AGAP1: variants seen among roughly 807,000 people sequenced by gnomAD.
AGAP1 encodes arf-GAP with GTPase, ANK repeat and PH domain-containing protein 1.
AGAP1 carries 29 observed loss-of-function variants against 105.3 expected under a neutral mutation model. The ratio of observed to expected loss-of-function variants is 0.28; its 90% CI spans 0.21 to 0.38. The LOEUF (loss-of-function observed/expected upper bound fraction) is 0.38, where lower values mean the gene tolerates loss of function less well. Among genes scored for constraint, AGAP1 ranks in the 10% least tolerant of loss-of-function variants. The pLI, the probability that AGAP1 is intolerant of heterozygous loss-of-function variation, is 1.00. For synonymous variants in AGAP1, 509 were observed against 485.9 expected (o/e 1.05, Z -0.63); for missense variants, 998 against 1,165.1 (o/e 0.86, Z 2.09).
rs927826811 is a variant in AGAP1 at position 235,614,708 on chromosome 2, A to T, written c.164-94471A>T. ...GGCAGGGCCCTTTTTCCACACGCTT[A>T]GGGAAGATACGAGACTGGCTAACTC... On this transcript the variant is annotated intron_variant, in intron 1 of 17. Coordinates refer to ENST00000304032, the MANE Select transcript of AGAP1 (RefSeq NM_001037131.3). This position sits in a 1 kb window ranked among gnomAD's most constrained non-coding sequence, Gnocchi z 4.7. Among the ~76,000 whole-genome samples, 1 of 152,160 alleles carries T rather than the reference A, an allele frequency of 6.6e-6. No individual in the cohort carries two copies. Among genetic ancestry groups the T allele is most frequent in the African/African-American group, 2.4e-5 (1 of 41,440 alleles).
rs1350072240 is a variant in AGAP1 at position 235,874,148 on chromosome 2, C to T, written c.1051-9197C>T. 6.6e-6 allele frequency among the ~76,000 whole-genome samples: 1 copy of T among 152,168 alleles called. No homozygotes were observed. Among genetic ancestry groups the T allele is most frequent in the Non-Finnish European group, 1.5e-5 (1 of 68,022 alleles). On this transcript the variant is annotated intron_variant, in intron 9 of 17. Transcript: ENST00000304032. The surrounding 1 kb of genome is among the most constrained non-coding windows in gnomAD (Gnocchi z 4.5). Reference sequence around the variant, plus strand: ...TCTCAGCTCACTGCAACCTCTCCCTCCAACCAATTGCCCTACCTCAGCCTC... The same window carrying T: ...TCTCAGCTCACTGCAACCTCTCCCTTCAACCAATTGCCCTACCTCAGCCTC...
intron 3 of AGAP1, among the ~76,000 whole-genome samples, chr2:235,730,173 GT>G (rs1048699987): frequency 1.3e-5 from 2 of 152,100 alleles, no homozygotes; most frequent in African/African-American, 2.4e-5. Flanking sequence ...GAGAGTTCAT[GT>G]AAAGCCGATT....
At chr2:235,643,992 C>A (rs866415065) in intron 1 of AGAP1, among the ~76,000 whole-genome samples, 1 of 152,052 alleles carries the variant, frequency 6.6e-6, no homozygotes, top group South Asian at 2.1e-4. Flanking sequence ...TTGCTCTGTG[C>A]CTCTGTAGTA....
At chr2:235,948,836 G>A (rs1027938842) in intron 12 of AGAP1, among the ~76,000 whole-genome samples, 5 of 152,146 alleles carry the variant, frequency 3.3e-5, no homozygotes, top group African/African-American at 1.2e-4. Context: ...AGGTGTACGG[G>A]AAGACCCAAT....
chr2:235,750,515 T>C lies in AGAP1; in HGVS notation c.673+27T>C. The C allele has an allele frequency of 1.2e-6, 2 of 1,613,870 alleles. No homozygotes were observed. The highest frequency in any genetic ancestry group is 1.7e-6 in the Non-Finnish European group (2 of 1,179,808). ...TAAATGCGCGTGGCTGGGAGTTTAA[T>C]TTCAGTTCATGATAGACGGGAGGCA... On this transcript the variant is annotated intron_variant, in intron 6 of 17. Transcript: ENST00000304032. The surrounding 1 kb of genome is among the most constrained non-coding windows in gnomAD (Gnocchi z 5.3).
At chr2:235,921,358 T>C (rs2052174105) in intron 11 of AGAP1, among the ~76,000 whole-genome samples, 1 of 152,224 alleles carries the variant, frequency 6.6e-6, no homozygotes, top group South Asian at 2.1e-4. Context: ...CCAAGAACAA[T>C]GTATGCATAT....
chr2:235,838,696 A>ACT (rs1559547564), intron 9 of AGAP1, among the ~76,000 whole-genome samples: 3 of 152,372 alleles, frequency 2.0e-5, no homozygotes, highest in African/African-American at 7.2e-5. Flanking sequence ...ATCTGACTGT[A>ACT]CTAGGTATGC....
Position 235,635,890 on chromosome 2 carries a change from G to A in AGAP1, c.164-73289G>A, listed in dbSNP as rs1328871710. Among the ~76,000 whole-genome samples the A allele has an allele frequency of 6.6e-6, 1 of 152,064 alleles. No individual in the cohort carries two copies. Among genetic ancestry groups the A allele is most frequent in the Non-Finnish European group, 1.5e-5 (1 of 68,020 alleles). ...AGCACTTTGGGAGGCTGAGGCAGGT[G>A]GATCTTGAGGTCAGGAGTTCAACAC... On this transcript the variant is annotated intron_variant, in intron 1 of 17. Coordinates refer to ENST00000304032, the MANE Select transcript of AGAP1 (RefSeq NM_001037131.3). This position sits in a 1 kb window ranked among gnomAD's most constrained non-coding sequence, Gnocchi z 5.3.
At position 236,035,955 on chromosome 2, in the gene AGAP1, C is replaced by T. The variant is rs563523728; in HGVS notation, c.1646-606C>T. Among the ~76,000 whole-genome samples the T allele has an allele frequency of 3.9e-5, 6 of 152,186 alleles. No individual in the cohort carries two copies. The highest frequency in any genetic ancestry group is 1.3e-4 in the Admixed American group (2 of 15,288). On this transcript the variant is annotated intron_variant, in intron 13 of 17. Transcript: ENST00000304032. The surrounding 1 kb of genome is among the most constrained non-coding windows in gnomAD (Gnocchi z 4.2). ...GTATACCCCCAAGTTCCTCTCTTCC[C>T]ATTGCAGACATGGCCCCAGAGTAGC... is the stretch of plus-strand genomic sequence containing the variant.
chr2:235,910,368 T>G (rs912405123), intron 11 of AGAP1, among the ~76,000 whole-genome samples: 7 of 29,004 alleles, frequency 2.4e-4, no homozygotes, highest in African/African-American at 1.5e-3. Context: ...CTAATCAAAG[T>G]TAAAACTGGC....
chr2:235,712,254 G>T lies in AGAP1; in HGVS notation c.222+3017G>T, dbSNP rs771894149. The stretch of plus-strand genomic sequence containing the variant: ...AGGCTATGCTCAAACTCCTGACCTC[G>T]TCATCCGCCTGCCTTGGCCTCCCAA... On this transcript the variant is annotated intron_variant, in intron 2 of 17. Transcript: ENST00000304032. The surrounding 1 kb of genome is among the most constrained non-coding windows in gnomAD (Gnocchi z 6.0). Among the ~76,000 whole-genome samples, 1 of 152,184 alleles carries T rather than the reference G, an allele frequency of 6.6e-6. No individual in the cohort carries two copies. The highest frequency in any genetic ancestry group is 1.9e-4 in the East Asian group (1 of 5,186).
rs551405974 is a variant in AGAP1 at position 235,943,227 on chromosome 2, C to A, written c.1483+12304C>A. Among the ~76,000 whole-genome samples, 3 of 152,276 alleles carry A rather than the reference C, an allele frequency of 2.0e-5. No homozygotes were observed. In the East Asian group the frequency reaches 5.8e-4, roughly 29 times the overall value. Reference sequence around the variant, plus strand: ...CCTAGGAACCCAACAGGTTAAGAACCGTCAATCATACTGCCTCCCTGGTGA... The same window carrying A: ...CCTAGGAACCCAACAGGTTAAGAACAGTCAATCATACTGCCTCCCTGGTGA... On this transcript the variant is annotated intron_variant, in intron 12 of 17. Transcript: ENST00000304032.
chr2:235,536,660 CACACACACACACACA>C (rs1559231705), intron 1 of AGAP1, among the ~76,000 whole-genome samples: 19 of 151,706 alleles, frequency 1.3e-4, no homozygotes, highest in Middle Eastern at 6.8e-3. Context: ...CACACACACA[CACACACACACACACA>C]CACCCCTTGC....
chr2:235,877,718 T>C lies in AGAP1; in HGVS notation c.1051-5627T>C, dbSNP rs1263805986. 6.6e-6 allele frequency among the ~76,000 whole-genome samples: 1 copy of C among 152,146 alleles called. No individual in the cohort carries two copies. Among genetic ancestry groups the C allele is most frequent in the East Asian group, 1.9e-4 (1 of 5,184 alleles). The stretch of plus-strand genomic sequence containing the variant: ...AATTTAAAAATTCTCTTGGAGAAAT[T>C]ATGGTTCCAGAGAAAATGACAGGTT... On this transcript the variant is annotated intron_variant, in intron 9 of 17. Coordinates refer to ENST00000304032, the MANE Select transcript of AGAP1 (RefSeq NM_001037131.3). The surrounding 1 kb of genome is among the most constrained non-coding windows in gnomAD (Gnocchi z 4.3).
intron 1 of AGAP1, among the ~76,000 whole-genome samples, chr2:235,511,481 C>CT (rs1269429849): frequency 6.6e-6 from 1 of 152,102 alleles, no homozygotes; most frequent in Non-Finnish European, 1.5e-5. Context: ...GGATGTGACT[C>CT]TCCCTCACTC....
Position 235,681,342 on chromosome 2 carries a change from C to CT in AGAP1, c.164-27835dup, listed in dbSNP as rs576768100. On this transcript the variant is annotated intron_variant, in intron 1 of 17. Coordinates refer to ENST00000304032, the MANE Select transcript of AGAP1 (RefSeq NM_001037131.3). ...CCTTTTGACACACTCTATGACCCTT[C>CT]TTACGCGCCTCCCGAGGAGGAAGCA... Among the ~76,000 whole-genome samples the CT allele has an allele frequency of 3.3e-3, 497 of 152,262 alleles. 2 individuals are homozygous for CT. Among genetic ancestry groups the CT allele is most frequent in the African/African-American group, 0.011 (460 of 41,552 alleles).
intron 1 of AGAP1, among the ~76,000 whole-genome samples, chr2:235,618,939 A>G (rs1169137710): frequency 6.6e-6 from 1 of 152,150 alleles, no homozygotes; most frequent in Admixed American, 6.5e-5. Flanking sequence ...GGGTCTCTAT[A>G]AAAGGAGGCA....
At chr2:235,846,979 A>G (rs1015260600) in intron 9 of AGAP1, among the ~76,000 whole-genome samples, 4 of 152,112 alleles carry the variant, frequency 2.6e-5, no homozygotes, top group African/African-American at 9.7e-5. Context: ...TCCCCATCCT[A>G]AGAGGTTAAG....
Position 235,729,947 on chromosome 2 carries a change from C to T in AGAP1, c.311-11016C>T, listed in dbSNP as rs546541479. Among the ~76,000 whole-genome samples the T allele has an allele frequency of 6.6e-6, 1 of 152,140 alleles. No homozygotes were observed. The highest frequency in any genetic ancestry group is 2.4e-5 in the African/African-American group (1 of 41,468). On this transcript the variant is annotated intron_variant, in intron 3 of 17. Coordinates refer to ENST00000304032, the MANE Select transcript of AGAP1 (RefSeq NM_001037131.3). This position sits in a 1 kb window ranked among gnomAD's most constrained non-coding sequence, Gnocchi z 5.0. ...TTTCTGGCCTTTTACACAGGCAGTTCGCCAGCCCCCTACCCTACAGTATGG... is the reference window on the plus strand; with the variant it reads ...TTTCTGGCCTTTTACACAGGCAGTTTGCCAGCCCCCTACCCTACAGTATGG...
Sources: allele counts gnomAD v4.1 joint callset (sites outside exome capture counted in the v4.1 genomes callset), GRCh38; gene constraint gnomAD v4.1.1; non-coding constraint Gnocchi (gnomAD v3.1); transcripts MANE v1.5; gene names NCBI Gene and HGNC (gene_info 2026-07-23, HGNC 2026-07-21).